The following TSPEAR variants were observed in gnomAD, a reference collection of about 807,000 sequenced individuals.
The protein encoded by TSPEAR is thrombospondin type laminin G domain and EAR repeats.
TSPEAR carries 69 observed loss-of-function variants against 71.6 expected under a neutral mutation model. The observed-to-expected ratio is 0.96, with a 90% CI of 0.79 to 1.18. The LOEUF (loss-of-function observed/expected upper bound fraction) is 1.18, where lower values mean the gene tolerates loss of function less well. Ranked by LOEUF, TSPEAR falls within the 50% of genes most tolerant of loss-of-function variation. The probability of loss-of-function intolerance (pLI) is 0.00; values close to 1 mark genes in which losing one functional copy is unlikely to be tolerated. For missense variants in TSPEAR, 971 were observed against 894.9 expected (o/e 1.09, Z -1.09); for synonymous variants, 402 against 387.2 (o/e 1.04, Z -0.45).
Position 44,646,484 on chromosome 21 carries a change from G to C in TSPEAR, c.82+64949C>G, listed in dbSNP as rs782769268. 4 of 1,612,666 alleles carry C rather than the reference G, an allele frequency of 2.5e-6. No homozygotes were observed. The East Asian group carries it at 8.9e-5, about 36-fold the overall frequency. ...ATGGCCGCGTCCACCATGTCTGTCT[G>C]CTCCAGCGCTTACTCCGACTCCTGG... is the stretch of plus-strand genomic sequence containing the variant. On this transcript the variant is annotated intron_variant, in intron 1 of 11. Coordinates refer to ENST00000323084, the MANE Select transcript of TSPEAR (RefSeq NM_144991.3).
intron 1 of TSPEAR, among the ~76,000 whole-genome samples, chr21:44,633,725 A>T (rs1983383677): frequency 6.6e-6 from 1 of 152,112 alleles, no homozygotes; most frequent in African/African-American, 2.4e-5. Flanking sequence ...GCCATATTAG[A>T]TCTAGCTTGT....
rs1056322115 is a variant in TSPEAR, at chr21:44,529,687, G to T, written c.790+111C>A. On this transcript the variant is annotated intron_variant, in intron 5 of 11. Transcript: ENST00000323084. ...GCTGCCCCCCGTAGCAGTGATGAGG[G>T]GGGCAGGCACACGAGAGGGGCTGAG... 20 of 1,241,888 alleles carry T rather than the reference G, an allele frequency of 1.6e-5. No homozygotes were observed. In the African/African-American group the frequency reaches 1.9e-4, roughly 12 times the overall value. The allele number at this position is 1,241,888 out of a possible 1,614,324, so 76.9% of individuals were successfully genotyped here.
chr21:44,547,191 GT>G (rs1220219795), intron 2 of TSPEAR, among the ~76,000 whole-genome samples: 2 of 152,122 alleles, frequency 1.3e-5, no homozygotes, highest in African/African-American at 4.8e-5. Context: ...ATTTATTTCA[GT>G]TGTTGTAATT....
intron 1 of TSPEAR, among the ~76,000 whole-genome samples, chr21:44,620,906 C>G (rs1555933387): frequency 6.6e-6 from 1 of 152,106 alleles, no homozygotes; most frequent in Non-Finnish European, 1.5e-5. Flanking sequence ...TCTTTGAATT[C>G]TCCTTTGACC....
intron 2 of TSPEAR, among the ~76,000 whole-genome samples, chr21:44,547,601 T>C (rs1466465883): frequency 6.6e-6 from 1 of 152,266 alleles, no homozygotes; most frequent in Admixed American, 6.5e-5. Context: ...TTCTTCATCA[T>C]GTGTGCTCAC....
At chr21:44,583,909 C>T (rs73381255) in intron 1 of TSPEAR, among the ~76,000 whole-genome samples, 9,611 of 152,206 alleles carry the variant, frequency 0.063, 914 homozygotes, top group African/African-American at 0.21. Flanking sequence ...AGTGTTACTG[C>T]GTCACATTCT....
chr21:44,581,154 C>T (rs1196264046), intron 1 of TSPEAR, among the ~76,000 whole-genome samples: 1 of 152,190 alleles, frequency 6.6e-6, no homozygotes, highest in Non-Finnish European at 1.5e-5. Context: ...TCTGGTGGAT[C>T]TGTGCTTTAT....
Position 44,500,101 on chromosome 21 carries a change from A to G in TSPEAR, c.1857-165T>C, listed in dbSNP as rs928318282. ...GTGGGGAGATCGATTCTGGGCCATG[A>G]GGGCCTTCTCATCTTGCAAAGCAGG... On this transcript the variant is annotated intron_variant, in intron 11 of 11. Coordinates refer to ENST00000323084, the MANE Select transcript of TSPEAR (RefSeq NM_144991.3). Among the ~76,000 whole-genome samples the G allele has an allele frequency of 2.6e-5, 4 of 152,156 alleles. No homozygotes were observed. The South Asian group carries it at 8.3e-4, about 31-fold the overall frequency.
At chr21:44,504,090 G>A (rs1168321131) in intron 11 of TSPEAR, among the ~76,000 whole-genome samples, 8 of 146,982 alleles carry the variant, frequency 5.4e-5, no homozygotes, top group African/African-American at 1.5e-4. Context: ...TGGCCTTGGT[G>A]AGCCCACAGT....
chr21:44,524,614 ATCAG>A (rs1168764545), intron 8 of TSPEAR, among the ~76,000 whole-genome samples: 16 of 151,246 alleles, frequency 1.1e-4, no homozygotes, highest in East Asian at 3.9e-4. Context: ...TAGTCATGTA[ATCAG>A]TCAGTCAGGT....
At chr21:44,657,537 C>T (rs1201182505) in intron 1 of TSPEAR, among the ~76,000 whole-genome samples, 11 of 152,174 alleles carry the variant, frequency 7.2e-5, no homozygotes, top group African/African-American at 1.2e-4. Context: ...GGCTCACAGA[C>T]GATAGTTTGC....
At chr21:44,688,500 C>T (rs1381698372) in intron 1 of TSPEAR, among the ~76,000 whole-genome samples, 2 of 152,160 alleles carry the variant, frequency 1.3e-5, no homozygotes, top group Non-Finnish European at 2.9e-5. Flanking sequence ...GAGGGCAGAT[C>T]ATGAGGTCAG....
intron 2 of TSPEAR, among the ~76,000 whole-genome samples, chr21:44,545,584 G>C (rs2053291489): frequency 6.6e-6 from 1 of 151,958 alleles, no homozygotes; most frequent in South Asian, 2.1e-4. Context: ...ATAATGGAAA[G>C]AAACTAGAAA....
rs782280768 is a variant in TSPEAR, at chr21:44,551,304, C to G, written c.303+16481G>C. On this transcript the variant is annotated intron_variant, in intron 2 of 11. Coordinates refer to ENST00000323084, the MANE Select transcript of TSPEAR (RefSeq NM_144991.3). ...CGCCTGGCAGCAGGGGCTGGACACA[C>G]AGCTCACTGGGGTGCAGACCAGGGT... The G allele has an allele frequency of 3.9e-5, 63 of 1,613,296 alleles. No individual in the cohort carries two copies. The highest frequency in any genetic ancestry group is 4.0e-5 in the Non-Finnish European group (47 of 1,179,938).
At chr21:44,601,453 C>A (rs2146150033) in intron 1 of TSPEAR, 2 of 1,611,482 alleles carry the variant, frequency 1.2e-6, no homozygotes, top group Non-Finnish European at 1.7e-6. Context: ...GTGCTGTGTG[C>A]CCGTCTGCTC....
intron 1 of TSPEAR, among the ~76,000 whole-genome samples, chr21:44,586,694 CT>C (rs1979361342): frequency 1.3e-5 from 2 of 151,842 alleles, no homozygotes; most frequent in Admixed American, 1.3e-4. Flanking sequence ...CATTCTGAGC[CT>C]TTCATACAAA....
At chr21:44,633,327 G>A (rs1983362065) in intron 1 of TSPEAR, among the ~76,000 whole-genome samples, 1 of 152,026 alleles carries the variant, frequency 6.6e-6, no homozygotes, top group African/African-American at 2.4e-5. Flanking sequence ...TTAGATTACT[G>A]AATTGAGATC....
Position 44,533,668 on chromosome 21 carries a change from C to G in TSPEAR, c.542+17G>C, listed in dbSNP as rs1555915979. 6.3e-7 allele frequency: 1 copy of G among 1,593,816 alleles called. No individual in the cohort carries two copies. Among genetic ancestry groups the G allele is most frequent in the Non-Finnish European group, 8.6e-7 (1 of 1,168,010 alleles). On this transcript the variant is annotated intron_variant, in intron 3 of 11. Transcript: ENST00000323084. ...CTCTGAGGACTGCAGGTGCACCCTC[C>G]CCGGGTGGGTACCTACATGTCCACC...
chr21:44,678,440 G>T (rs189440962), intron 1 of TSPEAR, among the ~76,000 whole-genome samples: 21 of 152,080 alleles, frequency 1.4e-4, no homozygotes, highest in Non-Finnish European at 2.4e-4. Context: ...TTTGCCTTCT[G>T]CCATGACTGT....
Sources: allele counts gnomAD v4.1 joint callset (sites outside exome capture counted in the v4.1 genomes callset), GRCh38; gene constraint gnomAD v4.1.1; transcripts MANE v1.5; gene names NCBI Gene and HGNC (gene_info 2026-07-23, HGNC 2026-07-21).